The following TYW3 variants were observed in gnomAD, a reference collection of about 807,000 sequenced individuals.
TYW3 encodes the protein tRNA-yW synthesizing protein 3 homolog, also known as tRNA wybutosine-synthesizing protein 3 homolog.
Under a neutral mutation model 23.1 loss-of-function variants are expected in TYW3, and 26 were observed. That is an observed-to-expected ratio of 1.13 (90% CI 0.83 to 1.56). The LOEUF (loss-of-function observed/expected upper bound fraction) is 1.56. Among genes scored for constraint, TYW3 ranks in the 40% most tolerant of loss-of-function variants. TYW3 has a pLI of 0.00. For missense variants in TYW3, 316 were observed against 311.9 expected (o/e 1.01, Z -0.10); for synonymous variants, 102 against 105.7 (o/e 0.97, Z 0.21).
At chr1:74,743,572 T>A (rs901894212) in intron 3 of TYW3, among the ~76,000 whole-genome samples, 1 of 152,180 alleles carries the variant, frequency 6.6e-6, no homozygotes, top group African/African-American at 2.4e-5. Flanking sequence ...CCCTGAGTTA[T>A]GGTGGACATC....
intron 1 of TYW3, among the ~76,000 whole-genome samples, chr1:74,734,519 AGCATAT>A: frequency 6.6e-6 from 1 of 152,368 alleles, no homozygotes. Flanking sequence ...AAGAAAAAAC[AGCATAT>A]GCTGAGGTTG....
chr1:74,752,721 C>A (rs886925628), intron 5 of TYW3, among the ~76,000 whole-genome samples: 17 of 152,064 alleles, frequency 1.1e-4, no homozygotes, highest in African/African-American at 4.1e-4. Flanking sequence ...AAGGACAGCC[C>A]AGCAGCCACA....
At position 74,765,513 on chromosome 1, in the gene TYW3, G is replaced by C. The variant is rs1557753293; in HGVS notation, c.*1400G>C. ...CATATACAGCAGTCCTTCTGGGAAG[G>C]AAATTTGGGCAGGAAAGGGAACTCA... On this transcript the variant is annotated 3_prime_UTR_variant, in exon 6 of 6. Transcript: ENST00000370867. 1 of 152,176 alleles carries C rather than the reference G, an allele frequency of 6.6e-6. No homozygotes were observed. The highest frequency in any genetic ancestry group is 1.5e-5 in the Non-Finnish European group (1 of 68,028). 9.4% of individuals were successfully genotyped at this position (152,176 alleles called of 1,614,324 possible).
intron 1 of TYW3, chr1:74,734,290 A>G (rs2100750408): frequency 6.6e-6 from 1 of 152,242 alleles, no homozygotes; most frequent in Admixed American, 6.5e-5. Flanking sequence ...ATATTCCACT[A>G]TATATTCTTG....
intron 3 of TYW3, among the ~76,000 whole-genome samples, chr1:74,745,709 T>A (rs1191425708): frequency 6.6e-6 from 1 of 152,228 alleles, no homozygotes; most frequent in Non-Finnish European, 1.5e-5. Flanking sequence ...AGACACCTGT[T>A]TTTGTCTGCT....
intron 3 of TYW3, among the ~76,000 whole-genome samples, chr1:74,746,349 C>G (rs963103048): frequency 3.3e-5 from 5 of 152,228 alleles, no homozygotes; most frequent in African/African-American, 1.2e-4. Flanking sequence ...AGTCTCTGCT[C>G]TAACCCTGAA....
At chr1:74,751,609 G>T (rs188762831) in intron 4 of TYW3, among the ~76,000 whole-genome samples, 41 of 152,132 alleles carry the variant, frequency 2.7e-4, no homozygotes, top group Non-Finnish European at 5.6e-4. Flanking sequence ...GGCGGAGGTT[G>T]CTGTGAGCCG....
intron 3 of TYW3, among the ~76,000 whole-genome samples, chr1:74,740,173 G>A (rs564592548): frequency 8.5e-5 from 13 of 152,288 alleles, no homozygotes; most frequent in South Asian, 4.1e-4. Context: ...AGATGTGTCC[G>A]GAGTTTCTTC....
chr1:74,761,923 G>A (rs1343834241), intron 5 of TYW3, among the ~76,000 whole-genome samples: 1 of 152,050 alleles, frequency 6.6e-6, no homozygotes, highest in African/African-American at 2.4e-5. Context: ...GGAAGATGGT[G>A]TCTACAGGGG....
chr1:74,748,449 T>C (rs907928679), intron 3 of TYW3, among the ~76,000 whole-genome samples: 1 of 152,238 alleles, frequency 6.6e-6, no homozygotes, highest in Non-Finnish European at 1.5e-5. Context: ...AGAAGAATGA[T>C]TGTTTTTTGG....
rs1187843467 is a variant in TYW3 at position 74,766,061 on chromosome 1, T to C, written c.*1948T>C. ...ATACGATATGGTGGCCCCATAAGAT[T>C]ATAATGGACCTGAAAAATTCCTATT... On this transcript the variant is annotated 3_prime_UTR_variant, in exon 6 of 6. Coordinates refer to ENST00000370867, the MANE Select transcript of TYW3 (RefSeq NM_138467.3). 2 of 152,110 alleles carry C rather than the reference T, an allele frequency of 1.3e-5. No individual in the cohort carries two copies. The highest frequency in any genetic ancestry group is 2.9e-5 in the Non-Finnish European group (2 of 68,018). The allele number at this position is 152,110 out of a possible 1,614,324, so 9.4% of individuals were successfully genotyped here. A position where few individuals can be genotyped will look rare whatever the true frequency, so the allele number is the denominator to read the frequency against.
In TYW3 at chr1:74,733,188, C is replaced by G; in HGVS notation, c.-57C>G. ...CCGCTCGCTTCAATATGGCTGCCCC[C>G]AGGGAGAGACGAGGCTACCATGAAG... On this transcript the variant is annotated 5_prime_UTR_variant, in exon 1 of 6. Coordinates refer to ENST00000370867, the MANE Select transcript of TYW3 (RefSeq NM_138467.3). 1 of 1,588,720 alleles carries G rather than the reference C, an allele frequency of 6.3e-7. No individual in the cohort carries two copies. Among genetic ancestry groups the G allele is most frequent in the Non-Finnish European group, 8.6e-7 (1 of 1,167,230 alleles).
At chr1:74,747,852 CAT>C (rs574527493) in intron 3 of TYW3, among the ~76,000 whole-genome samples, 17 of 150,476 alleles carry the variant, frequency 1.1e-4, no homozygotes, top group South Asian at 6.3e-4. Context: ...TGTGTATACA[CAT>C]ATGTATGTAT....
chr1:74,747,358 C>A (rs915672626), intron 3 of TYW3, among the ~76,000 whole-genome samples: 2 of 152,134 alleles, frequency 1.3e-5, no homozygotes, highest in Non-Finnish European at 2.9e-5. Flanking sequence ...AAAGACCGGG[C>A]CAGGCGCGGT....
rs1209982519 is a variant in TYW3 at position 74,766,447 on chromosome 1, ATG to A, written c.*2342_*2343del. On this transcript the variant is annotated 3_prime_UTR_variant, in exon 6 of 6. Coordinates refer to ENST00000370867, the MANE Select transcript of TYW3 (RefSeq NM_138467.3). ...TCTGACCCTGTGTAGGCTTAGGCTA[ATG>A]TGTGTGTTTATATCTTAGTTTTTCA... The A allele has an allele frequency of 1.3e-5, 2 of 152,228 alleles. No homozygotes were observed. Among genetic ancestry groups the A allele is most frequent in the South Asian group, 4.2e-4 (2 of 4,818 alleles). 9.4% of individuals were successfully genotyped at this position (152,228 alleles called of 1,614,324 possible). A position where few individuals can be genotyped will look rare whatever the true frequency, so the allele number is the denominator to read the frequency against.
chr1:74,740,575 A>G (rs1648317057), intron 3 of TYW3, among the ~76,000 whole-genome samples: 1 of 151,996 alleles, frequency 6.6e-6, no homozygotes, highest in South Asian at 2.1e-4. Flanking sequence ...AGATTGGTGC[A>G]TTTACAATCC....
chr1:74,733,311 A>C lies in TYW3; in HGVS notation c.67A>C (p.Lys23Gln), dbSNP rs1200496059. 1.2e-6 allele frequency: 2 copies of C among 1,614,212 alleles called. No homozygotes were observed. Among genetic ancestry groups the C allele is most frequent in the African/African-American group, 1.3e-5 (1 of 75,056 alleles). The change falls in exon 1 of 6, where the codon AAG becomes CAG. Residue 23 changes from lysine (K) to glutamine (Q), a missense_variant. By Grantham distance (53) the Lys-to-Gln change is moderately conservative. Coordinates refer to ENST00000370867, the MANE Select transcript of TYW3 (RefSeq NM_138467.3). ...TTTGAGCAAAGCGGACCTCAGCCGG[A>C]AGGGCAGTGTTGACGAGGATGTGGT... ...QCLSKADLSR[K>Q]GSVDEDVVEL...
chr1:74,747,817 A>C (rs530739076), intron 3 of TYW3, among the ~76,000 whole-genome samples: 2 of 121,018 alleles, frequency 1.7e-5, no homozygotes, highest in African/African-American at 5.1e-5. Flanking sequence ...GTACACACAT[A>C]TGTATATATA....
chr1:74,733,375 TCACCAC>T lies in TYW3; in HGVS notation c.134_139del (p.Thr45_Thr46del). 1 of 1,614,204 alleles carries T rather than the reference TCACCAC, an allele frequency of 6.2e-7. No homozygotes were observed. The highest frequency in any genetic ancestry group is 1.1e-5 in the South Asian group (1 of 91,080). On this transcript the variant is annotated inframe_deletion, in exon 1 of 6. Transcript: ENST00000370867. ...TTTCTGAACATGCGAGATCAGTTTT[TCACCAC>T]CAGCTCCTGCGCTGGCCGCATCCTA...
Sources: allele counts gnomAD v4.1 joint callset (sites outside exome capture counted in the v4.1 genomes callset), GRCh38; gene constraint gnomAD v4.1.1; transcripts MANE v1.5; gene names NCBI Gene and HGNC (gene_info 2026-07-23, HGNC 2026-07-21).